The following FNBP1 variants were observed in gnomAD, a reference collection of about 807,000 sequenced individuals.
FNBP1 encodes the protein formin-binding protein 1.
Under a neutral mutation model 90.6 loss-of-function variants are expected in FNBP1, and 26 were observed. The ratio of observed to expected loss-of-function variants is 0.29; its 90% confidence interval spans 0.21 to 0.40. The LOEUF is 0.40. FNBP1 is among the 10% of genes least tolerant of loss of function. The pLI is 1.00. For synonymous variants in FNBP1, 260 were observed against 265.2 expected (o/e 0.98, Z 0.19); for missense variants, 635 against 768.0 (o/e 0.83, Z 2.05).
chr9:129,998,922 T>C (rs1306253533), intron 1 of FNBP1, among the ~76,000 whole-genome samples: 2 of 152,194 alleles, frequency 1.3e-5, no homozygotes, highest in Non-Finnish European at 2.9e-5. Flanking sequence ...ATCTTAATAA[T>C]AAAAACCTTA....
Position 129,899,974 on chromosome 9 carries a change from T to G in FNBP1, c.1678A>C (p.Thr560Pro). ...AGACATGAAATGTCACCTTCAAATG[T>G]GTAGAGAGCTTTGCACGTCCCTATG... ...PAIGTCKALY[T>P]FEGQNEGTIS... The change falls in exon 15 of 17, where the codon ACA (threonine) becomes CCA (proline). Residue 560 changes from threonine (T) to proline (P), a missense_variant. Physicochemically the swap from Thr to Pro is conservative, Grantham distance 38. Transcript: ENST00000446176. 1 of 1,601,988 alleles carries G rather than the reference T, an allele frequency of 6.2e-7. No individual in the cohort carries two copies. The highest frequency in any genetic ancestry group is 8.5e-7 in the Non-Finnish European group (1 of 1,174,664).
At chr9:130,033,253 G>A (rs1277717914) in intron 1 of FNBP1, among the ~76,000 whole-genome samples, 3 of 152,254 alleles carry the variant, frequency 2.0e-5, no homozygotes, top group East Asian at 1.9e-4. Flanking sequence ...TTGGGAAAGC[G>A]AGGAACAGAG....
At chr9:129,903,177 G>C (rs966239071) in intron 12 of FNBP1, among the ~76,000 whole-genome samples, 176 bp from the exon 13 acceptor site, 2 of 152,076 alleles carry the variant, frequency 1.3e-5, no homozygotes, top group Non-Finnish European at 2.9e-5. Context: ...TCAGCCTCCA[G>C]AATAGCTGGG....
chr9:130,046,108 T>G (rs966035983), upstream of FNBP1, among the ~76,000 whole-genome samples: 6 of 152,140 alleles, frequency 3.9e-5, no homozygotes, highest in African/African-American at 1.4e-4. Context: ...CAACCTTGTT[T>G]CCTGAAGTAT....
intron 1 of FNBP1, among the ~76,000 whole-genome samples, chr9:130,001,444 T>C (rs1380587362): frequency 2.6e-5 from 4 of 152,188 alleles, no homozygotes; most frequent in African/African-American, 7.2e-5. Context: ...CTTTGTAACG[T>C]TGGTGCAAAT....
intron 4 of FNBP1, among the ~76,000 whole-genome samples, chr9:129,972,391 C>T (rs2133276954): frequency 6.6e-6 from 1 of 152,272 alleles, no homozygotes; most frequent in Middle Eastern, 3.4e-3. Context: ...GCCTCGGCCT[C>T]CCAGAGTGCT....
Position 129,889,570 on chromosome 9 carries a change from CAAA to C in FNBP1, c.*966_*968del, listed in dbSNP as rs397894225. 60 of 112,970 alleles carry C rather than the reference CAAA, an allele frequency of 5.3e-4. No individual in the cohort carries two copies. Among genetic ancestry groups the C allele is most frequent in the Middle Eastern group, 2.7e-3 (1 of 374 alleles). 7.0% of individuals were successfully genotyped at this position (112,970 alleles called of 1,614,324 possible). On this transcript the variant is annotated 3_prime_UTR_variant, in exon 17 of 17. Coordinates refer to ENST00000446176, the MANE Select transcript of FNBP1 (RefSeq NM_015033.3). ...GAACAATAGAGCGAGACTCCCGTCT[CAAA>C]AAAAAAAAAAAAACAACAACAAAAA...
intron 6 of FNBP1, among the ~76,000 whole-genome samples, chr9:129,947,589 T>G (rs1266926260): frequency 1.3e-5 from 2 of 151,864 alleles, no homozygotes; most frequent in African/African-American, 4.8e-5. Context: ...TGGATACATG[T>G]GAATACTTCA....
chr9:130,050,821 T>G, the FNBP1 span, among the ~76,000 whole-genome samples: 1 of 29,112 alleles, frequency 3.4e-5, no homozygotes, highest in East Asian at 3.6e-3. Flanking sequence ...TGTGTTTTTT[T>G]TTTGTTTTTT....
intron 2 of FNBP1, among the ~76,000 whole-genome samples, chr9:129,985,012 C>T (rs751214720): frequency 6.6e-5 from 10 of 152,020 alleles, no homozygotes; most frequent in East Asian, 1.9e-4. Flanking sequence ...GACCTAATGG[C>T]GTAAACCCCA....
At chr9:129,982,539 A>C (rs1325334617) in intron 2 of FNBP1, among the ~76,000 whole-genome samples, 2 of 152,228 alleles carry the variant, frequency 1.3e-5, no homozygotes, top group Non-Finnish European at 2.9e-5. Context: ...CTACATAATC[A>C]ATGGGTTATT....
At position 129,890,414 on chromosome 9, in the gene FNBP1, C is replaced by T. The variant is rs1009587520; in HGVS notation, c.*125G>A. 7 of 734,278 alleles carry T rather than the reference C, an allele frequency of 9.5e-6. No individual in the cohort carries two copies. Among genetic ancestry groups the T allele is most frequent in the East Asian group, 8.4e-5 (3 of 35,810 alleles). The allele number at this position is 734,278 out of a possible 1,614,324, so 45.5% of individuals were successfully genotyped here. A position where few individuals can be genotyped will look rare whatever the true frequency, so the allele number is the denominator to read the frequency against. ...GAGCATGCTGGAGAGAGAGAGAGACCGCCCCGCAGGGATGGGGCTGCGGAG... is the reference window on the plus strand; with the variant it reads ...GAGCATGCTGGAGAGAGAGAGAGACTGCCCCGCAGGGATGGGGCTGCGGAG... On this transcript the variant is annotated 3_prime_UTR_variant, in exon 17 of 17. Coordinates refer to ENST00000446176, the MANE Select transcript of FNBP1 (RefSeq NM_015033.3). This position sits in a 1 kb window ranked among gnomAD's most constrained non-coding sequence, Gnocchi z 5.8.
chr9:130,008,067 G>A (rs1292773384), intron 1 of FNBP1, among the ~76,000 whole-genome samples: 1 of 149,740 alleles, frequency 6.7e-6, no homozygotes, highest in Non-Finnish European at 1.5e-5. Flanking sequence ...AATTTCTGCT[G>A]GGCGTCATGG....
At chr9:129,985,095 C>A (rs1287425852) in intron 2 of FNBP1, among the ~76,000 whole-genome samples, 1 of 151,952 alleles carries the variant, frequency 6.6e-6, no homozygotes, top group African/African-American at 2.4e-5. Context: ...CTTTCGCGAC[C>A]CTGACTCTAT....
chr9:129,981,058 A>G (rs1455524902), intron 2 of FNBP1, among the ~76,000 whole-genome samples: 2 of 151,580 alleles, frequency 1.3e-5, no homozygotes, highest in African/African-American at 4.8e-5. Flanking sequence ...CTCAAAAAAA[A>G]AAAAAAAAAG....
intron 10 of FNBP1, among the ~76,000 whole-genome samples, chr9:129,917,612 G>T (rs2040460772): frequency 6.6e-6 from 1 of 152,130 alleles, no homozygotes; most frequent in Non-Finnish European, 1.5e-5. Context: ...TGGGATTACA[G>T]GTGTGAGCCA....
intron 16 of FNBP1, among the ~76,000 whole-genome samples, chr9:129,893,251 C>A (rs2035285617): frequency 6.6e-6 from 1 of 151,938 alleles, no homozygotes; most frequent in Admixed American, 6.6e-5. Context: ...GCAATATCTA[C>A]AAAGAGGCCT....
chr9:129,953,248 G>A (rs1273211086), intron 6 of FNBP1, among the ~76,000 whole-genome samples: 1 of 152,136 alleles, frequency 6.6e-6, no homozygotes, highest in Non-Finnish European at 1.5e-5. Flanking sequence ...CACTTTGGGA[G>A]GCTGAGGCGG....
Position 129,994,892 on chromosome 9 carries a change from A to G in FNBP1, c.91T>C (p.Phe31Leu). The change falls in exon 2 of 17, where the codon TTT (phenylalanine) becomes CTT (leucine). Residue 31 changes from phenylalanine to leucine, a missense_variant. Coordinates refer to ENST00000446176, the MANE Select transcript of FNBP1 (RefSeq NM_015033.3). ...TCAATCTCTGTCCTTTCTTTCACAA[A>G]CTTGATATATTTCTCAAGAATATCA... ...GIDILEKYIK[F>L]VKERTEIELS... 1 of 1,609,586 alleles carries G rather than the reference A, an allele frequency of 6.2e-7. No homozygotes were observed. Among genetic ancestry groups the G allele is most frequent in the South Asian group, 1.1e-5 (1 of 90,400 alleles).
Sources: gnomAD v4.1 joint callset for allele counts (sites outside exome capture counted in the v4.1 genomes callset) on GRCh38, gnomAD v4.1.1 for gene constraint, Gnocchi (gnomAD v3.1) non-coding constraint, MANE v1.5 for transcripts, NCBI Gene and HGNC (gene_info 2026-07-23, HGNC 2026-07-21) for gene names.